SPAG6: variants seen among roughly 807,000 people sequenced by gnomAD.
The protein encoded by SPAG6 is sperm associated antigen 6.
A neutral mutation model predicts 58.5 loss-of-function variants in SPAG6; 49 were observed. The ratio of observed to expected loss-of-function variants is 0.84; its 90% CI spans 0.67 to 1.06. SPAG6 has a LOEUF of 1.06. SPAG6 is among the 50% of genes least tolerant of loss of function. The pLI is 0.00. For synonymous variants in SPAG6, 233 were observed against 225.6 expected (o/e 1.03, Z -0.29); for missense variants, 560 against 611.3 (o/e 0.92, Z 0.89).
At chr10:22,391,425 T>C (rs1489426287) in intron 7 of SPAG6, among the ~76,000 whole-genome samples, 5 of 152,226 alleles carry the variant, frequency 3.3e-5, no homozygotes, top group African/African-American at 4.8e-5. Flanking sequence ...CAGTAAAATC[T>C]GGCTTTGCCT....
In SPAG6 at chr10:22,414,331, C is replaced by A. The variant is rs1176975294; in HGVS notation, c.1461-2288C>A. On this transcript the variant is annotated intron_variant, in intron 10 of 10. Coordinates refer to ENST00000376624, the MANE Select transcript of SPAG6 (RefSeq NM_012443.4). ...AGTTGGGATAGCTGTGGTTGCTGGC[C>A]AGAGGGAAGGAATTTCCTGGTCTTA... Among the ~76,000 whole-genome samples the A allele has an allele frequency of 2.6e-5, 4 of 152,214 alleles. No homozygotes were observed. In the East Asian group the frequency reaches 5.8e-4, roughly 22 times the overall value.
At chr10:22,406,647 A>G (rs1202182461) in intron 9 of SPAG6, among the ~76,000 whole-genome samples, 1 of 152,164 alleles carries the variant, frequency 6.6e-6, no homozygotes, top group Non-Finnish European at 1.5e-5. Context: ...GTAGATGTCT[A>G]TTAGGTCTGC....
intron 2 of SPAG6, among the ~76,000 whole-genome samples, chr10:22,360,075 T>C (rs1836991791): frequency 6.6e-6 from 1 of 152,220 alleles, no homozygotes; most frequent in Admixed American, 6.5e-5. Flanking sequence ...TAAAATAATT[T>C]GGCCTGCATT....
At chr10:22,376,930 A>T (rs920000408) in intron 4 of SPAG6, among the ~76,000 whole-genome samples, 16 of 152,044 alleles carry the variant, frequency 1.1e-4, no homozygotes, top group Admixed American at 4.6e-4. Flanking sequence ...TAAAAAAAAA[A>T]ATTAGCTGAG....
At chr10:22,353,511 G>A (rs953255917) in intron 2 of SPAG6, among the ~76,000 whole-genome samples, 2 of 152,178 alleles carry the variant, frequency 1.3e-5, no homozygotes, top group Non-Finnish European at 2.9e-5. Context: ...CTGACTTCTT[G>A]TACCTAAAAA....
At position 22,417,600 on chromosome 10, in the gene SPAG6, T is replaced by C. The variant is rs1390437465; in HGVS notation, c.*912T>C. ...AAGAGGGTTTCAATAAAATTTTAAA[T>C]AAAAACAGCATTAGAATTGTCCTTT... On this transcript the variant is annotated 3_prime_UTR_variant, in exon 11 of 11. Coordinates refer to ENST00000376624, the MANE Select transcript of SPAG6 (RefSeq NM_012443.4). 1.3e-5 allele frequency: 2 copies of C among 152,190 alleles called. No individual in the cohort carries two copies. The highest frequency in any genetic ancestry group is 2.9e-5 in the Non-Finnish European group (2 of 68,002). 9.4% of individuals were successfully genotyped at this position (152,190 alleles called of 1,614,324 possible). A position where few individuals can be genotyped will look rare whatever the true frequency, so the allele number is the denominator to read the frequency against.
rs1173264381 is a variant in SPAG6, at chr10:22,364,946, A to G, written c.215A>G (p.Asn72Ser). The change falls in exon 3 of 11, where the codon AAT (asparagine) becomes AGT (serine). Residue 72 changes from asparagine to serine, a missense_variant. Asn to Ser is a conservative substitution (Grantham distance 46). Coordinates refer to ENST00000376624, the MANE Select transcript of SPAG6 (RefSeq NM_012443.4). ...ALALGRLANY[N>S]DDLAEAVVKC... ...GCTCTTGGGAGACTGGCCAATTATA[A>G]TGATGACCTAGCAGAAGCTGTTGTG... is the stretch of plus-strand genomic sequence containing the variant. 2 of 1,613,488 alleles carry G rather than the reference A, an allele frequency of 1.2e-6. No homozygotes were observed. Among genetic ancestry groups the G allele is most frequent in the South Asian group, 1.1e-5 (1 of 91,042 alleles).
chr10:22,390,829 G>C (rs1234448340), intron 7 of SPAG6, among the ~76,000 whole-genome samples: 1 of 152,098 alleles, frequency 6.6e-6, no homozygotes. Flanking sequence ...TCAGGAAATT[G>C]GTCTTAATAA....
At chr10:22,397,038 C>T (rs942407316) in intron 8 of SPAG6, among the ~76,000 whole-genome samples, 3 of 151,858 alleles carry the variant, frequency 2.0e-5, no homozygotes, top group African/African-American at 7.3e-5. Flanking sequence ...TTTTTTTGAC[C>T]CCATAAAATT....
chr10:22,403,700 G>T (rs1417645702), intron 9 of SPAG6, among the ~76,000 whole-genome samples: 1 of 145,954 alleles, frequency 6.9e-6, no homozygotes, highest in African/African-American at 2.7e-5. Context: ...GATCCCTGAG[G>T]AATCGCCACA....
intron 9 of SPAG6, among the ~76,000 whole-genome samples, chr10:22,405,346 A>G (rs1014010788): frequency 1.3e-5 from 2 of 152,158 alleles, no homozygotes; most frequent in African/African-American, 4.8e-5. Flanking sequence ...TTTAACATGA[A>G]GAGTTGTTGA....
intron 2 of SPAG6, among the ~76,000 whole-genome samples, chr10:22,347,521 T>C (rs1836598207): frequency 6.6e-6 from 1 of 152,224 alleles, no homozygotes. Context: ...CTGGACAATA[T>C]GAATATAGCC....
At chr10:22,357,582 CTTTTT>C (rs1564361643) in intron 2 of SPAG6, among the ~76,000 whole-genome samples, 1 of 151,594 alleles carries the variant, frequency 6.6e-6, no homozygotes, top group African/African-American at 2.4e-5. Context: ...ATTTTTTTCT[CTTTTT>C]TTAATTATTA....
chr10:22,362,048 A>G (rs1837057928), intron 2 of SPAG6, among the ~76,000 whole-genome samples: 1 of 146,180 alleles, frequency 6.8e-6, no homozygotes, highest in Non-Finnish European at 1.5e-5. Context: ...ATATTATTTT[A>G]TATATTTATT....
intron 4 of SPAG6, among the ~76,000 whole-genome samples, chr10:22,376,619 G>A (rs1564368878): frequency 6.6e-6 from 1 of 152,020 alleles, no homozygotes; most frequent in Non-Finnish European, 1.5e-5. Context: ...ACATGCATGT[G>A]CGTATACTTG....
rs145864817 is a variant in SPAG6 at position 22,355,148 on chromosome 10, T to G, written c.121+9330T>G. Among the ~76,000 whole-genome samples, 727 of 152,306 alleles carry G rather than the reference T, an allele frequency of 4.8e-3. 10 individuals are homozygous for G. Among genetic ancestry groups the G allele is most frequent in the African/African-American group, 0.017 (689 of 41,554 alleles). On this transcript the variant is annotated intron_variant, in intron 2 of 10. Transcript: ENST00000376624. ...TACCCTTTGGTATACATTCCAAACC[T>G]GGCACATAGGCCAGTTTTTCTTGGC...
chr10:22,389,104 G>C lies in SPAG6; in HGVS notation c.853-56G>C, dbSNP rs560316420. ...AAATAGAGTGTGGCAATATTAAACTGTATTTAAAGACCATCATAGGGTCCT... is the reference window on the plus strand; with the variant it reads ...AAATAGAGTGTGGCAATATTAAACTCTATTTAAAGACCATCATAGGGTCCT... On this transcript the variant is annotated intron_variant, in intron 6 of 10. Coordinates refer to ENST00000376624, the MANE Select transcript of SPAG6 (RefSeq NM_012443.4). 1.4e-3 allele frequency: 2,088 copies of C among 1,509,184 alleles called. 3 individuals are homozygous for C. The highest frequency in any genetic ancestry group is 4.9e-3 in the Middle Eastern group (27 of 5,558). The allele number at this position is 1,509,184 out of a possible 1,614,324, so 93.5% of individuals were successfully genotyped here. A position where few individuals can be genotyped will look rare whatever the true frequency, so the allele number is the denominator to read the frequency against.
intron 4 of SPAG6, among the ~76,000 whole-genome samples, chr10:22,369,607 T>C (rs1463156577): frequency 6.6e-6 from 1 of 152,202 alleles, no homozygotes; most frequent in Non-Finnish European, 1.5e-5. Context: ...ATTTAGTTGC[T>C]GTGTGACCTC....
intron 9 of SPAG6, among the ~76,000 whole-genome samples, chr10:22,409,117 G>T (rs1834651145): frequency 6.6e-6 from 1 of 152,118 alleles, no homozygotes; most frequent in African/African-American, 2.4e-5. Flanking sequence ...CTGTAGACCG[G>T]AGCTGTTCCT....
Sources: gnomAD v4.1 joint callset for allele counts (sites outside exome capture counted in the v4.1 genomes callset) on GRCh38, gnomAD v4.1.1 for gene constraint, MANE v1.5 for transcripts, NCBI Gene and HGNC (gene_info 2026-07-23, HGNC 2026-07-21) for gene names.